Variants in MRPS31 observed in about 807,000 individuals in gnomAD.
MRPS31 encodes small ribosomal subunit protein mS31.
A neutral mutation model predicts 43.1 loss-of-function variants in MRPS31; 32 were observed. That is an observed-to-expected ratio of 0.74 (90% CI 0.56 to 1.00). The LOEUF (loss-of-function observed/expected upper bound fraction) is 1.00, where lower values mean the gene tolerates loss of function less well. Among genes scored for constraint, MRPS31 ranks in the 50% least tolerant of loss-of-function variants. The pLI is 0.00. For missense variants in MRPS31, 437 were observed against 466.7 expected, an observed-to-expected ratio of 0.94 and a Z score of 0.59; for synonymous variants, 165 against 161.6, an observed-to-expected ratio of 1.02 and a Z score of -0.16.
intron 1 of MRPS31, among the ~76,000 whole-genome samples, chr13:40,768,770 T>C (rs1880918996): frequency 6.6e-6 from 1 of 152,190 alleles, no homozygotes; most frequent in Non-Finnish European, 1.5e-5. Flanking sequence ...CAGGAGACAC[T>C]TGAGAATTTG....
At chr13:40,761,861 T>C (rs989748778) in intron 2 of MRPS31, among the ~76,000 whole-genome samples, 1 of 150,600 alleles carries the variant, frequency 6.6e-6, no homozygotes, top group Non-Finnish European at 1.5e-5. Flanking sequence ...AATATATATA[T>C]GCACATCTCT....
chr13:40,729,883 C>T (rs1485105668), intron 6 of MRPS31, among the ~76,000 whole-genome samples: 1 of 151,928 alleles, frequency 6.6e-6, no homozygotes, highest in Admixed American at 6.6e-5. Flanking sequence ...GCATGTACCA[C>T]CACGCCCAGC....
At position 40,771,110 on chromosome 13, in the gene MRPS31, T is replaced by C. The variant is rs778987773; in HGVS notation, c.27A>G (p.Leu9=). MFPRVSTF[L]PLRPLSRHPL... is the part of the protein sequence containing the mutation. Reference sequence around the variant, plus strand: ...GGTGGCGGGAAAGGGGGCGAAGAGGTAGGAACGTCGAGACTCTAGGAAACA... The same window carrying C: ...GGTGGCGGGAAAGGGGGCGAAGAGGCAGGAACGTCGAGACTCTAGGAAACA... The change falls in exon 1 of 7, where the codon CTA becomes CTG. Residue 9 remains leucine, a synonymous_variant. Transcript: ENST00000323563. The C allele has an allele frequency of 6.2e-7, 1 of 1,612,804 alleles. No individual in the cohort carries two copies. Among genetic ancestry groups the C allele is most frequent in the Admixed American group, 1.7e-5 (1 of 59,862 alleles).
In MRPS31 at chr13:40,740,431, A is replaced by C. The variant is rs1309664106; in HGVS notation, c.958+8707T>G. ...TACCATTTGACCCAGCCATCCCATT[A>C]CTGGGTATATACCCAAAGGACTATA... On this transcript the variant is annotated intron_variant, in intron 6 of 6. Coordinates refer to ENST00000323563, the MANE Select transcript of MRPS31 (RefSeq NM_005830.4). 1.8e-3 allele frequency among the ~76,000 whole-genome samples: 242 copies of C among 130,866 alleles called. 3 individuals are homozygous for C. The highest frequency in any genetic ancestry group is 7.5e-3 in the African/African-American group (229 of 30,424). The allele number at this position is 130,866 out of a possible 152,430, so 85.9% of individuals were successfully genotyped here.
chr13:40,768,244 T>C (rs1221103737), intron 1 of MRPS31, among the ~76,000 whole-genome samples: 1 of 152,220 alleles, frequency 6.6e-6, no homozygotes, highest in African/African-American at 2.4e-5. Context: ...ATCTACTCTG[T>C]GGTGGGCACT....
At position 40,771,080 on chromosome 13, in the gene MRPS31, C is replaced by T; in HGVS notation, c.57G>A (p.Leu19=). 1 of 1,614,070 alleles carries T rather than the reference C, an allele frequency of 6.2e-7. No individual in the cohort carries two copies. Residue 19 remains leucine, a synonymous_variant, in exon 1 of 7, where the codon TTG becomes TTA. Transcript: ENST00000323563. ...LPLRPLSRHP[L]SSGSPETSAA... ...CTGATGTCTCCGGGCTTCCAGAGGA[C>T]AAAGGGTGGCGGGAAAGGGGGCGAA...
chr13:40,738,160 C>A (rs1342615818), intron 6 of MRPS31, among the ~76,000 whole-genome samples: 1 of 152,032 alleles, frequency 6.6e-6, no homozygotes, highest in Non-Finnish European at 1.5e-5. Context: ...CTACAAACAC[C>A]TCTACGCAAA....
At chr13:40,750,584 G>A (rs1424960474) in intron 5 of MRPS31, among the ~76,000 whole-genome samples, 3 of 151,358 alleles carry the variant, frequency 2.0e-5, no homozygotes, top group Non-Finnish European at 4.4e-5. Flanking sequence ...TCTATCCCTT[G>A]GCTACCTTTT....
chr13:40,734,947 C>T (rs572169568), intron 6 of MRPS31, among the ~76,000 whole-genome samples: 1 of 152,150 alleles, frequency 6.6e-6, no homozygotes. Context: ...GGCCGAATAG[C>T]AACAGCTCCA....
intron 4 of MRPS31, among the ~76,000 whole-genome samples, chr13:40,756,625 A>G (rs532386054): frequency 6.6e-6 from 1 of 152,344 alleles, no homozygotes; most frequent in South Asian, 2.1e-4. Context: ...ACCCCTATTC[A>G]TCGTGGGTAG....
intron 6 of MRPS31, among the ~76,000 whole-genome samples, chr13:40,742,528 T>C (rs1206914385): frequency 3.3e-5 from 5 of 152,168 alleles, no homozygotes; most frequent in Non-Finnish European, 7.3e-5. Context: ...AACAAACAGA[T>C]CCTGCTACCT....
intron 4 of MRPS31, among the ~76,000 whole-genome samples, chr13:40,754,514 T>A (rs1314448084): frequency 6.6e-6 from 1 of 152,234 alleles, no homozygotes. Context: ...TATAAAAGAT[T>A]GCATTGGTAA....
At chr13:40,730,487 T>G (rs1033702673) in intron 6 of MRPS31, among the ~76,000 whole-genome samples, 3 of 152,172 alleles carry the variant, frequency 2.0e-5, no homozygotes, top group Admixed American at 2.0e-4. Flanking sequence ...ATCAAGCCAC[T>G]ACACTCCAGC....
chr13:40,767,099 AC>A, intron 1 of MRPS31, 66 bp from the exon 2 acceptor site: 19 of 1,295,044 alleles, frequency 1.5e-5, no homozygotes, highest in Non-Finnish European at 2.0e-5. Flanking sequence ...TAAAAAACTT[AC>A]TTACAATAAA....
At chr13:40,734,450 A>G (rs557145481) in intron 6 of MRPS31, among the ~76,000 whole-genome samples, 1 of 152,170 alleles carries the variant, frequency 6.6e-6, no homozygotes, top group South Asian at 2.1e-4. Context: ...GAAATTCAAT[A>G]TTTTTGTGCA....
At chr13:40,741,026 C>G (rs1880074692) in intron 6 of MRPS31, among the ~76,000 whole-genome samples, 1 of 149,130 alleles carries the variant, frequency 6.7e-6, no homozygotes, top group Admixed American at 6.7e-5. Flanking sequence ...TTAGTGTAAA[C>G]AATGAATTCA....
intron 6 of MRPS31, among the ~76,000 whole-genome samples, chr13:40,743,506 C>A (rs1408120116): frequency 6.6e-6 from 1 of 152,000 alleles, no homozygotes; most frequent in Non-Finnish European, 1.5e-5. Context: ...ATTGAAGAAG[C>A]AAAAAACAAT....
intron 1 of MRPS31, among the ~76,000 whole-genome samples, chr13:40,770,341 C>T (rs1433129076): frequency 6.6e-6 from 1 of 152,302 alleles, no homozygotes; most frequent in Non-Finnish European, 1.5e-5. Flanking sequence ...AGGATAAATA[C>T]CAAAACCAAG....
intron 6 of MRPS31, among the ~76,000 whole-genome samples, chr13:40,742,644 C>T (rs1040791588): frequency 4.6e-5 from 7 of 152,130 alleles, no homozygotes; most frequent in Non-Finnish European, 8.8e-5. Context: ...GTAATTTGAA[C>T]TTTTCTCACT....
Sources: gnomAD v4.1 joint callset for allele counts (sites outside exome capture counted in the v4.1 genomes callset) on GRCh38, gnomAD v4.1.1 for gene constraint, MANE v1.5 for transcripts, NCBI Gene and HGNC (gene_info 2026-07-23, HGNC 2026-07-21) for gene names.